Variants in PAK1IP1 observed in about 807,000 individuals in gnomAD.
PAK1IP1 encodes p21-activated protein kinase-interacting protein 1.
In PAK1IP1, 24 loss-of-function variants were observed where a neutral mutation model predicts 42.0. That is an observed-to-expected ratio of 0.57 (90% CI 0.41 to 0.80). PAK1IP1 has a LOEUF of 0.80. Ranked by LOEUF, PAK1IP1 falls within the 30% of genes least tolerant of loss-of-function variation. The pLI is 0.00. For synonymous variants in PAK1IP1, 154 were observed against 156.7 expected, an observed-to-expected ratio of 0.98 and a Z score of 0.13; for missense variants, 411 against 467.9, an observed-to-expected ratio of 0.88 and a Z score of 1.12.
upstream of PAK1IP1, chr6:10,694,606 GGC>G: frequency 5.9e-6 from 1 of 169,836 alleles, no homozygotes; most frequent in South Asian, 1.3e-4. Context: ...CTAAGCAACC[GGC>G]CGGAAGTCGG....
chr6:10,694,588 TACAGCCCC>T, upstream of PAK1IP1: 5 of 176,906 alleles, frequency 2.8e-5, no homozygotes, highest in South Asian at 2.0e-4. Flanking sequence ...CTGCCGGCGC[TACAGCCCC>T]TAAGCAACCG....
At chr6:10,696,604 G>A (rs1237857813) in intron 1 of PAK1IP1, among the ~76,000 whole-genome samples, 1 of 152,180 alleles carries the variant, frequency 6.6e-6, no homozygotes, top group Non-Finnish European at 1.5e-5. Context: ...TAGAGCTTAC[G>A]TTGGTACTCA....
chr6:10,706,007 A>G (rs1770192308), intron 7 of PAK1IP1, among the ~76,000 whole-genome samples: 1 of 152,218 alleles, frequency 6.6e-6, no homozygotes. Context: ...ATTGAGCATC[A>G]TTATGAAATA....
chr6:10,700,282 T>C (rs1769987247), intron 2 of PAK1IP1, among the ~76,000 whole-genome samples: 1 of 152,244 alleles, frequency 6.6e-6, no homozygotes, highest in East Asian at 1.9e-4. Context: ...GGTCTTGAAC[T>C]CTTGACCTCA....
chr6:10,704,547 T>G lies in PAK1IP1; in HGVS notation c.537T>G (p.Tyr179Ter). 6.2e-7 allele frequency: 1 copy of G among 1,600,492 alleles called. No individual in the cohort carries two copies. The highest frequency in any genetic ancestry group is 1.1e-5 in the South Asian group (1 of 90,182). Reference sequence around the variant, plus strand: ...AATGGTCCCCAAGAGGAGAGCAGTATGTAGTTATCATACAGAATAAAATAG... The same window carrying G: ...AATGGTCCCCAAGAGGAGAGCAGTAGGTAGTTATCATACAGAATAAAATAG... The part of the protein sequence containing the change: ...IVEWSPRGEQ[Y>*]VVIIQNKIDI... Residue 179 changes from tyrosine (Y) to a stop codon, truncating the protein, a stop_gained, in exon 6 of 10, where the codon TAT becomes TAG. Coordinates refer to ENST00000379568, the MANE Select transcript of PAK1IP1 (RefSeq NM_017906.3). LOFTEE classifies it high-confidence loss of function.
chr6:10,697,370 C>T lies in PAK1IP1; in HGVS notation c.131C>T (p.Ser44Phe). The T allele has an allele frequency of 6.2e-7, 1 of 1,614,004 alleles. No individual in the cohort carries two copies. The highest frequency in any genetic ancestry group is 8.5e-7 in the Non-Finnish European group (1 of 1,179,934). The change falls in exon 2 of 10, where the codon TCC (serine) becomes TTC (phenylalanine). Residue 44 changes from serine (S) to phenylalanine (F), a missense_variant. Transcript: ENST00000379568. Reference protein sequence around the residue: ...ADFTHHAHTASLSAVAVNSRF... With the variant: ...ADFTHHAHTAFLSAVAVNSRF... ...TTCACTCACCATGCTCACACTGCCT[C>T]CTTGTCAGCAGTAGCTGTAAATAGT...
upstream of PAK1IP1, among the ~76,000 whole-genome samples, chr6:10,691,281 T>C (rs1045109711): frequency 1.3e-5 from 2 of 152,168 alleles, no homozygotes; most frequent in African/African-American, 4.8e-5. Context: ...GGCCGGGATC[T>C]TCGGCAAGAC....
In PAK1IP1 at chr6:10,702,465, G is replaced by C. The variant is rs770759731; in HGVS notation, c.344G>C (p.Cys115Ser). Reference sequence around the variant, plus strand: ...ATCTGGGATGCAAAGAAATGGGAATGCCTGAAGTCAATTAAAGCTCACAAG... The same window carrying C: ...ATCTGGGATGCAAAGAAATGGGAATCCCTGAAGTCAATTAAAGCTCACAAG... ...ICIWDAKKWE[C>S]LKSIKAHKGQ... Residue 115 changes from cysteine to serine, a missense_variant, in exon 3 of 10, where the codon TGC becomes TCC. Cys to Ser is a moderately radical substitution (Grantham distance 112). Coordinates refer to ENST00000379568, the MANE Select transcript of PAK1IP1 (RefSeq NM_017906.3). 1 of 1,614,068 alleles carries C rather than the reference G, an allele frequency of 6.2e-7. No individual in the cohort carries two copies. Among genetic ancestry groups the C allele is most frequent in the South Asian group, 1.1e-5 (1 of 91,070 alleles).
chr6:10,702,037 C>T (rs1316415989), intron 2 of PAK1IP1, among the ~76,000 whole-genome samples: 4 of 151,994 alleles, frequency 2.6e-5, no homozygotes, highest in East Asian at 3.9e-4. Flanking sequence ...GAGTTCAAGA[C>T]CAGCCTGGGC....
At chr6:10,694,450 C>CG (rs1187642719), upstream of PAK1IP1, 3 of 154,502 alleles carry the variant, frequency 1.9e-5, no homozygotes, top group African/African-American at 4.8e-5. Context: ...AGCGCTGCGC[C>CG]GCTGGAACAA....
At chr6:10,694,751 A>G, upstream of PAK1IP1, 1 of 448,198 alleles carries the variant, frequency 2.2e-6, no homozygotes, top group Admixed American at 4.0e-5. Flanking sequence ...CCTTGCAGTG[A>G]GAACCTCCTC....
intron 2 of PAK1IP1, among the ~76,000 whole-genome samples, chr6:10,701,345 G>T (rs1288931083): frequency 6.6e-6 from 1 of 152,172 alleles, no homozygotes; most frequent in African/African-American, 2.4e-5. Context: ...CCAAAGTGCT[G>T]GGATTACAGG....
At chr6:10,695,858 CTT>C (rs145372327) in intron 1 of PAK1IP1, among the ~76,000 whole-genome samples, 2,512 of 151,450 alleles carry the variant, frequency 0.017, 21 homozygotes, top group Middle Eastern at 0.068. Context: ...AAGTATATCA[CTT>C]GGCCTATTGC....
At chr6:10,693,977 G>A (rs893509605), upstream of PAK1IP1, among the ~76,000 whole-genome samples, 6 of 152,282 alleles carry the variant, frequency 3.9e-5, no homozygotes, top group African/African-American at 1.4e-4. Flanking sequence ...TGAAGGCTCT[G>A]GCCGGGCGCT....
intron 7 of PAK1IP1, among the ~76,000 whole-genome samples, chr6:10,705,178 T>C (rs1033506199): frequency 1.8e-4 from 27 of 151,928 alleles, no homozygotes; most frequent in African/African-American, 5.5e-4. Context: ...AAAAAATTGG[T>C]GTGGTGGTGC....
chr6:10,697,634 A>G (rs112395819), intron 2 of PAK1IP1, 148 bp downstream of exon 2: 20,057 of 621,748 alleles, frequency 0.032, 2,022 homozygotes, highest in African/African-American at 0.26. Context: ...TTAGCCTGGC[A>G]CAATGGCTCA....
chr6:10,707,131 C>T (rs1300608077), intron 7 of PAK1IP1, among the ~76,000 whole-genome samples: 1 of 152,162 alleles, frequency 6.6e-6, no homozygotes, highest in African/African-American at 2.4e-5. Flanking sequence ...TTGTTTTACT[C>T]ATCTTTAGTT....
intron 1 of PAK1IP1, 60 bp from the exon 2 acceptor site, chr6:10,697,264 G>A (rs1769886467): frequency 1.4e-5 from 19 of 1,389,974 alleles, no homozygotes; most frequent in East Asian, 2.4e-5. Context: ...ACTACCAGTG[G>A]ATAGAGTTGG....
rs1491244800 is a variant in PAK1IP1, at chr6:10,709,603, T to TTA, written c.*151_*152insTA. The TTA allele has an allele frequency of 1.2e-4, 34 of 284,104 alleles. No individual in the cohort carries two copies. Among genetic ancestry groups the TTA allele is most frequent in the African/African-American group, 2.2e-4 (9 of 41,216 alleles). 17.6% of individuals were successfully genotyped at this position (284,104 alleles called of 1,614,324 possible). ...AAAACCACTTTTAGATGGTTTTTTT[T>TTA]AAAAAAAAAAAAAAAACTGGTAAAA... On this transcript the variant is annotated 3_prime_UTR_variant, in exon 10 of 10. Transcript: ENST00000379568.
Sources: allele counts gnomAD v4.1 joint callset (sites outside exome capture counted in the v4.1 genomes callset), GRCh38; gene constraint gnomAD v4.1.1; transcripts MANE v1.5; gene names NCBI Gene and HGNC (gene_info 2026-07-23, HGNC 2026-07-21).